The following ARHGAP20 variants were observed in gnomAD, a reference collection of about 807,000 sequenced individuals.
ARHGAP20 encodes Rho GTPase activating protein 20.
ARHGAP20 carries 34 observed loss-of-function variants against 73.7 expected under a neutral mutation model. The observed-to-expected ratio is 0.46, with a 90% CI of 0.35 to 0.61. ARHGAP20 has a LOEUF of 0.61. Among genes scored for constraint, ARHGAP20 ranks in the 20% least tolerant of loss-of-function variants. The pLI, the probability that ARHGAP20 is intolerant of heterozygous loss-of-function variation, is 0.00. For missense variants in ARHGAP20, 1,314 were observed against 1,420.9 expected, an observed-to-expected ratio of 0.92 and a Z score of 1.21; for synonymous variants, 523 against 518.2, an observed-to-expected ratio of 1.01 and a Z score of -0.13.
At chr11:110,689,155 C>T (rs1486287250) in intron 2 of ARHGAP20, among the ~76,000 whole-genome samples, 5 of 151,874 alleles carry the variant, frequency 3.3e-5, no homozygotes, top group African/African-American at 1.2e-4. Context: ...CTCGCCACCA[C>T]GCCCGGTTAA....
At chr11:110,654,354 T>G (rs972497068) in intron 2 of ARHGAP20, among the ~76,000 whole-genome samples, 2 of 152,148 alleles carry the variant, frequency 1.3e-5, no homozygotes, top group Admixed American at 6.6e-5. Flanking sequence ...ATATTAAAAG[T>G]CGTCATTCTC....
chr11:110,629,863 G>A (rs546556869), intron 3 of ARHGAP20, among the ~76,000 whole-genome samples: 1 of 152,170 alleles, frequency 6.6e-6, no homozygotes, highest in Non-Finnish European at 1.5e-5. Flanking sequence ...GAGGGCTCTC[G>A]TGAAGGCTTG....
Position 110,579,343 on chromosome 11 carries a change from C to G in ARHGAP20, c.*27G>C, listed in dbSNP as rs146422214. 9.0e-5 allele frequency: 139 copies of G among 1,551,822 alleles called. 4 individuals carry two copies. In the East Asian group the frequency reaches 9.3e-4, roughly 10 times the overall value. On this transcript the variant is annotated 3_prime_UTR_variant, in exon 15 of 15. Coordinates refer to ENST00000683387, the MANE Select transcript of ARHGAP20 (RefSeq NM_001384657.1). ...TATTATTATTAACCCAGTTCCTGTT[C>G]TTGTGGACATCAGATTCTTACTATG...
chr11:110,684,036 G>A lies in ARHGAP20; in HGVS notation c.188+6511C>T, dbSNP rs559322485. The stretch of plus-strand genomic sequence containing the variant: ...AGAAGTGGAAAGCAGCCTTCACCAC[G>A]CATGAAACCTGCCAGTGCCTTAATC... On this transcript the variant is annotated intron_variant, in intron 2 of 14. Coordinates refer to ENST00000683387, the MANE Select transcript of ARHGAP20 (RefSeq NM_001384657.1). 7.9e-5 allele frequency among the ~76,000 whole-genome samples: 12 copies of A among 152,238 alleles called. No individual in the cohort carries two copies. In the South Asian group the frequency reaches 8.3e-4, roughly 11 times the overall value.
intron 2 of ARHGAP20, among the ~76,000 whole-genome samples, chr11:110,684,720 G>C (rs750810793): frequency 6.6e-6 from 1 of 152,114 alleles, no homozygotes; most frequent in African/African-American, 2.4e-5. Flanking sequence ...ATATACCATG[G>C]AATACTACGC....
intron 4 of ARHGAP20, among the ~76,000 whole-genome samples, chr11:110,617,349 GCCT>G (rs1208636949): frequency 1.3e-5 from 2 of 149,578 alleles, no homozygotes; most frequent in Admixed American, 6.7e-5. Context: ...CGCAACCTCC[GCCT>G]CCTGGGTTCA....
chr11:110,579,886 G>A lies in ARHGAP20; in HGVS notation c.3060C>T (p.Thr1020=), dbSNP rs777889763. The A allele has an allele frequency of 1.9e-6, 3 of 1,614,202 alleles. No homozygotes were observed. The highest frequency in any genetic ancestry group is 1.7e-6 in the Non-Finnish European group (2 of 1,180,034). The part of the protein sequence containing the change: ...CSRPAYTKKD[T]MEWHSQMHSV... ...AATGCATTTGTGAATGCCACTCCAT[G>A]GTGTCCTTCTTTGTATAGGCTGGGC... The change falls in exon 15 of 15, where the codon ACC becomes ACT. Residue 1020 remains threonine, a synonymous_variant. Transcript: ENST00000683387.
rs566328657 is a variant in ARHGAP20 at position 110,712,314 on chromosome 11, G to A, written c.-83C>T. 8.6e-7 allele frequency: 1 copy of A among 1,160,770 alleles called. No individual in the cohort carries two copies. Among genetic ancestry groups the A allele is most frequent in the East Asian group, 3.3e-5 (1 of 30,026 alleles). 71.9% of individuals were successfully genotyped at this position (1,160,770 alleles called of 1,614,324 possible). ...GGCTGCCGGCCGGAGGGGCGAGGACGCGCGGGCGGAGGCGCGGCTGCCGTG... is the reference window on the plus strand; with the variant it reads ...GGCTGCCGGCCGGAGGGGCGAGGACACGCGGGCGGAGGCGCGGCTGCCGTG... On this transcript the variant is annotated 5_prime_UTR_variant, in exon 1 of 15. Transcript: ENST00000683387.
At chr11:110,697,159 A>G (rs7131569) in intron 1 of ARHGAP20, among the ~76,000 whole-genome samples, 3,764 of 151,712 alleles carry the variant, frequency 0.025, 148 homozygotes, top group African/African-American at 0.08. Context: ...TGTTTGATAA[A>G]TCTCCATATT....
Position 110,579,974 on chromosome 11 carries a change from T to G in ARHGAP20, c.2972A>C (p.Asp991Ala). ...GGAAACATGGCTGGCATTGCTAAAG[T>G]CAGGAGAAAGGTCTTCCCGTTTTCT... The part of the protein sequence containing the change: ...AQRKREDLSP[D>A]FSNASHVSGM... The change falls in exon 15 of 15, where the codon GAC (aspartate) becomes GCC (alanine). Residue 991 changes from aspartate to alanine, a missense_variant. By Grantham distance (126) the Asp-to-Ala change is moderately radical. Around this residue, in one of 3 missense-constraint regions of ARHGAP20, gnomAD observed 641 missense variants for 636.9 expected, o/e 1.01. Coordinates refer to ENST00000683387, the MANE Select transcript of ARHGAP20 (RefSeq NM_001384657.1). 1 of 1,614,126 alleles carries G rather than the reference T, an allele frequency of 6.2e-7. No homozygotes were observed.
intron 9 of ARHGAP20, among the ~76,000 whole-genome samples, chr11:110,604,546 A>G (rs1477344754): frequency 1.3e-5 from 2 of 152,196 alleles, no homozygotes; most frequent in Non-Finnish European, 2.9e-5. Flanking sequence ...AAGGTAGAAG[A>G]GTAGAAGATT....
chr11:110,584,952 T>TGA (rs1209936590), intron 12 of ARHGAP20, among the ~76,000 whole-genome samples: 4 of 45,318 alleles, frequency 8.8e-5, no homozygotes, highest in Non-Finnish European at 2.5e-4. Context: ...TATGAATATA[T>TGA]GAATATATGT....
chr11:110,623,067 A>C (rs566055781), intron 4 of ARHGAP20, among the ~76,000 whole-genome samples: 1 of 152,010 alleles, frequency 6.6e-6, no homozygotes, highest in African/African-American at 2.4e-5. Context: ...ATCTAGAGAA[A>C]TCTGTCATGG....
At position 110,580,833 on chromosome 11, in the gene ARHGAP20, CT is replaced by C; in HGVS notation, c.2112del (p.Glu705SerfsTer39). On this transcript the variant is annotated frameshift_variant, in exon 15 of 15. Coordinates refer to ENST00000683387, the MANE Select transcript of ARHGAP20 (RefSeq NM_001384657.1). LOFTEE classifies it low-confidence loss of function (END_TRUNC). ...AKSLRRHRRC[S>X]EPSIDYLDSK... is the part of the protein sequence containing the mutation. The stretch of plus-strand genomic sequence containing the variant: ...GAATCCAGATAGTCGATGCTGGGCT[CT>C]GAGCAACGCCGGTGTCGCCTCAGGC... 6.2e-7 allele frequency: 1 copy of C among 1,613,952 alleles called. No homozygotes were observed. The highest frequency in any genetic ancestry group is 8.5e-7 in the Non-Finnish European group (1 of 1,179,860).
intron 2 of ARHGAP20, among the ~76,000 whole-genome samples, chr11:110,673,283 C>T (rs1195501710): frequency 6.6e-6 from 1 of 152,004 alleles, no homozygotes; most frequent in Non-Finnish European, 1.5e-5. Flanking sequence ...ATTTCACAGC[C>T]CTTTTAGCAA....
At chr11:110,656,072 C>T (rs935763678) in intron 2 of ARHGAP20, among the ~76,000 whole-genome samples, 2 of 152,150 alleles carry the variant, frequency 1.3e-5, no homozygotes, top group African/African-American at 4.8e-5. Flanking sequence ...AGTGTGTTGT[C>T]TGGGATGCTA....
rs566015356 is a variant in ARHGAP20 at position 110,653,149 on chromosome 11, G to C, written c.189-22357C>G. On this transcript the variant is annotated intron_variant, in intron 2 of 14. Coordinates refer to ENST00000683387, the MANE Select transcript of ARHGAP20 (RefSeq NM_001384657.1). ...AGAAAATCTAGGCAATACCACTCAA[G>C]ACATAGGCATGGGCAAAGATTTCAT... Among the ~76,000 whole-genome samples, 11 of 152,190 alleles carry C rather than the reference G, an allele frequency of 7.2e-5. No homozygotes were observed. In the South Asian group the frequency reaches 8.3e-4, roughly 12 times the overall value.
chr11:110,577,472 A>T lies in ARHGAP20; in HGVS notation c.*1898T>A. On this transcript the variant is annotated 3_prime_UTR_variant, in exon 15 of 15. Coordinates refer to ENST00000683387, the MANE Select transcript of ARHGAP20 (RefSeq NM_001384657.1). ...GAATGATTTTTTACCTGCTAACATG[A>T]AAAAAAAAAAAAAGGCAATTTCTTC... is the stretch of plus-strand genomic sequence containing the variant. The T allele has an allele frequency of 1.3e-4, 2 of 15,166 alleles. No individual in the cohort carries two copies. Among genetic ancestry groups the T allele is most frequent in the East Asian group, 6.0e-3 (1 of 166 alleles). The allele number at this position is 15,166 out of a possible 1,614,324, so 0.9% of individuals were successfully genotyped here.
At chr11:110,672,370 A>G (rs561548540) in intron 2 of ARHGAP20, among the ~76,000 whole-genome samples, 1 of 152,214 alleles carries the variant, frequency 6.6e-6, no homozygotes. Flanking sequence ...AAAAACATAC[A>G]AATGGGCAGT....
Sources: allele counts gnomAD v4.1 joint callset (sites outside exome capture counted in the v4.1 genomes callset), GRCh38; gene constraint gnomAD v4.1.1; regional missense constraint gnomAD v4.1.1; transcripts MANE v1.5; gene names NCBI Gene and HGNC (gene_info 2026-07-23, HGNC 2026-07-21).